The following CATSPERE variants were observed in gnomAD, a reference collection of about 807,000 sequenced individuals.
The protein encoded by CATSPERE is cation channel sperm-associated auxiliary subunit epsilon.
A neutral mutation model predicts 114.1 loss-of-function variants in CATSPERE; 93 were observed. The observed-to-expected ratio is 0.81, with a 90% CI of 0.69 to 0.97. The LOEUF is 0.97. Ranked by LOEUF, CATSPERE falls within the 50% of genes least tolerant of loss-of-function variation. The pLI, the probability that CATSPERE is intolerant of heterozygous loss-of-function variation, is 0.00. For synonymous variants in CATSPERE, 341 were observed against 384.1 expected (o/e 0.89, Z 1.31); for missense variants, 1,058 against 1,131.6 (o/e 0.93, Z 0.93).
intron 8 of CATSPERE, among the ~76,000 whole-genome samples, chr1:244,550,598 C>T (rs1381918532): frequency 6.6e-6 from 1 of 152,118 alleles, no homozygotes; most frequent in East Asian, 1.9e-4. Context: ...CAAAATGATA[C>T]TGTGATTTAA....
At position 244,518,605 on chromosome 1, in the gene CATSPERE, T is replaced by C; in HGVS notation, c.443T>C (p.Leu148Pro). Residue 148 changes from leucine (L) to proline (P), a missense_variant, in exon 8 of 22, where the codon CTC (leucine) becomes CCC (proline). By Grantham distance (98) the Leu-to-Pro change is moderately conservative (BLOSUM62 -3). Coordinates refer to ENST00000366534, the MANE Select transcript of CATSPERE (RefSeq NM_001130957.2). ...AEEPSINSIV[L>P]STQMATLGQK... Reference sequence around the variant, plus strand: ...TTGTTTTTACAGAATTCCATAGTACTCAGCACACAGATGGCCACATTGGGA... The same window carrying C: ...TTGTTTTTACAGAATTCCATAGTACCCAGCACACAGATGGCCACATTGGGA... The C allele has an allele frequency of 6.3e-7, 1 of 1,580,190 alleles. No individual in the cohort carries two copies.
chr1:244,635,136 G>C (rs1430246510), intron 20 of CATSPERE, among the ~76,000 whole-genome samples: 1 of 152,140 alleles, frequency 6.6e-6, no homozygotes, highest in Non-Finnish European at 1.5e-5. Context: ...GAGCCACCGC[G>C]CCTGCCAGTA....
At chr1:244,528,560 G>T (rs1012561916) in intron 8 of CATSPERE, among the ~76,000 whole-genome samples, 6 of 151,916 alleles carry the variant, frequency 3.9e-5, no homozygotes, top group African/African-American at 1.5e-4. Flanking sequence ...ATGAGATTAT[G>T]ATATAGGCAT....
chr1:244,634,833 A>G (rs997814322), intron 20 of CATSPERE, among the ~76,000 whole-genome samples: 2 of 152,236 alleles, frequency 1.3e-5, no homozygotes, highest in Admixed American at 6.5e-5. Flanking sequence ...GTACATAGCA[A>G]TGCTCAATTA....
chr1:244,558,690 T>C (rs1662074524), intron 9 of CATSPERE, among the ~76,000 whole-genome samples: 1 of 152,184 alleles, frequency 6.6e-6, no homozygotes, highest in African/African-American at 2.4e-5. Context: ...TTAACTTTAC[T>C]TTCTCATCTG....
At chr1:244,518,748 A>G in intron 8 of CATSPERE, 50 bp downstream of exon 8, 1 of 985,084 alleles carries the variant, frequency 1.0e-6, no homozygotes, top group Non-Finnish European at 1.5e-6. Flanking sequence ...AACTTAAACT[A>G]GATTTTAAAA....
At position 244,610,240 on chromosome 1, in the gene CATSPERE, A is replaced by G; in HGVS notation, c.2404A>G (p.Ser802Gly). Residue 802 changes from serine (S) to glycine (G), a missense_variant and splice_region_variant, in exon 19 of 22, where the codon AGT (serine) becomes GGT (glycine). This residue lies in a region of CATSPERE where 787 missense variants were observed against 905.6 expected (regional missense o/e 0.87). Transcript: ENST00000366534. Reference sequence around the variant, plus strand: ...ACATACATGTGCCATCTTTTGACAGAGTGGTTGTTTACATGAAGCACAGAC... The same window carrying G: ...ACATACATGTGCCATCTTTTGACAGGGTGGTTGTTTACATGAAGCACAGAC... ...DYSFNNTMAQ[S>G]GCLHEAQTWK... The G allele has an allele frequency of 6.2e-7, 1 of 1,600,642 alleles. No individual in the cohort carries two copies. The highest frequency in any genetic ancestry group is 1.1e-5 in the South Asian group (1 of 88,270).
At chr1:244,615,773 C>A (rs578259582) in intron 19 of CATSPERE, among the ~76,000 whole-genome samples, 2 of 151,780 alleles carry the variant, frequency 1.3e-5, no homozygotes, top group Admixed American at 1.3e-4. Context: ...AGGTAAGTAA[C>A]GGCAGGCATA....
At chr1:244,481,252 A>C (rs1262469290) in intron 5 of CATSPERE, among the ~76,000 whole-genome samples, 2 of 152,142 alleles carry the variant, frequency 1.3e-5, no homozygotes, top group East Asian at 3.9e-4. Flanking sequence ...GTTCAAGACC[A>C]GCCTGGCCAA....
intron 2 of CATSPERE, among the ~76,000 whole-genome samples, chr1:244,471,479 T>C (rs1490288578): frequency 1.3e-5 from 2 of 152,226 alleles, no homozygotes; most frequent in Non-Finnish European, 2.9e-5. Context: ...ACCGTAATAA[T>C]GAAGATATAC....
chr1:244,475,210 A>G (rs1338311134), intron 2 of CATSPERE, among the ~76,000 whole-genome samples: 1 of 148,800 alleles, frequency 6.7e-6, no homozygotes, highest in African/African-American at 2.5e-5. Flanking sequence ...CTGAAAACAG[A>G]GTTTATTCAC....
intron 7 of CATSPERE, among the ~76,000 whole-genome samples, chr1:244,515,103 A>G (rs1242782718): frequency 6.6e-6 from 1 of 152,228 alleles, no homozygotes; most frequent in Non-Finnish European, 1.5e-5. Flanking sequence ...CTTATTTTCC[A>G]AAGCATACAA....
In CATSPERE at chr1:244,633,914, G is replaced by C. The variant is rs1674296227; in HGVS notation, c.2649-1575G>C. Among the ~76,000 whole-genome samples the C allele has an allele frequency of 6.6e-6, 1 of 150,872 alleles. No homozygotes were observed. Among genetic ancestry groups the C allele is most frequent in the Non-Finnish European group, 1.5e-5 (1 of 67,838 alleles). On this transcript the variant is annotated intron_variant, in intron 20 of 21. Transcript: ENST00000366534. This position sits in a 1 kb window ranked among gnomAD's most constrained non-coding sequence, Gnocchi z 4.1. Reference sequence around the variant, plus strand: ...GAGCCTCACTCTGTTGCCCAGGCTGGAGTGCAGTGGTGCGATCTCCGCTCA... The same window carrying C: ...GAGCCTCACTCTGTTGCCCAGGCTGCAGTGCAGTGGTGCGATCTCCGCTCA...
chr1:244,467,759 T>C (rs1572229629), intron 2 of CATSPERE, among the ~76,000 whole-genome samples: 1 of 152,318 alleles, frequency 6.6e-6, no homozygotes, highest in East Asian at 1.9e-4. Context: ...AGTAGGATAC[T>C]ATATGGCAAA....
rs543386989 is a variant in CATSPERE, at chr1:244,584,170, T to G, written c.2085+231T>G. ...AATAAAAAAACAAAGAAAAAATCAT[T>G]TATTCATTTAAAAAAGTTTATTGTA... On this transcript the variant is annotated intron_variant, in intron 13 of 21. Transcript: ENST00000366534. Among the ~76,000 whole-genome samples, 8 of 152,338 alleles carry G rather than the reference T, an allele frequency of 5.3e-5. 1 individual carries two copies. The South Asian group carries it at 1.7e-3, about 32-fold the overall frequency.
At chr1:244,503,954 A>G (rs192605223) in intron 7 of CATSPERE, among the ~76,000 whole-genome samples, 1 of 152,228 alleles carries the variant, frequency 6.6e-6, no homozygotes, top group Non-Finnish European at 1.5e-5. Context: ...TTATTTAACA[A>G]ATTTTGTGTT....
At chr1:244,627,257 A>G (rs139383575) in intron 20 of CATSPERE, among the ~76,000 whole-genome samples, 4 of 152,248 alleles carry the variant, frequency 2.6e-5, no homozygotes, top group African/African-American at 9.6e-5. Flanking sequence ...GACACTTTCA[A>G]TAGTAACATC....
intron 17 of CATSPERE, among the ~76,000 whole-genome samples, chr1:244,600,105 G>A (rs142707593): frequency 2.7e-4 from 41 of 152,208 alleles, no homozygotes; most frequent in African/African-American, 7.5e-4. Flanking sequence ...ACTCCCTCCC[G>A]TGATAGACAC....
intron 17 of CATSPERE, among the ~76,000 whole-genome samples, chr1:244,594,545 A>G (rs59005346): frequency 0.027 from 4,110 of 152,302 alleles, 180 homozygotes; most frequent in African/African-American, 0.093. Context: ...GTAAATAAAT[A>G]ATAGTGAATA....
Sources: gnomAD v4.1 joint callset for allele counts (sites outside exome capture counted in the v4.1 genomes callset) on GRCh38, gnomAD v4.1.1 for gene constraint, gnomAD v4.1.1 regional missense constraint, Gnocchi (gnomAD v3.1) non-coding constraint, MANE v1.5 for transcripts, NCBI Gene and HGNC (gene_info 2026-07-23, HGNC 2026-07-21) for gene names.